UNC80: variants seen among roughly 807,000 people sequenced by gnomAD.
UNC80 encodes the protein protein unc-80 homolog.
A neutral mutation model predicts 384.6 loss-of-function variants in UNC80; 164 were observed. That is an observed-to-expected ratio of 0.43 (90% confidence interval 0.38 to 0.49). UNC80 has a LOEUF of 0.49. Ranked by LOEUF, UNC80 falls within the 20% of genes least tolerant of loss-of-function variation. The pLI is 0.00. For missense variants in UNC80, 3,330 were observed against 4,143.0 expected (o/e 0.80, Z 5.39); for synonymous variants, 1,486 against 1,527.8 (o/e 0.97, Z 0.64).
chr2:209,838,816 C>G (rs1427462871), intron 18 of UNC80, among the ~76,000 whole-genome samples: 1 of 152,068 alleles, frequency 6.6e-6, no homozygotes, highest in South Asian at 2.1e-4. Flanking sequence ...AAAAAATTAG[C>G]CGGGTGTGGT....
chr2:209,861,017 C>A (rs1436951259), intron 22 of UNC80, among the ~76,000 whole-genome samples: 1 of 152,210 alleles, frequency 6.6e-6, no homozygotes, highest in African/African-American at 2.4e-5. Flanking sequence ...GACTTCCTCT[C>A]TTCCTATTTT....
At chr2:209,773,061 G>A in intron 1 of UNC80, 33 bp from the exon 2 acceptor site, 1 of 1,546,518 alleles carries the variant, frequency 6.5e-7, no homozygotes, top group South Asian at 1.1e-5. Flanking sequence ...TTTTACTTAT[G>A]TTTATTAACA....
At chr2:209,840,339 C>T (rs114453595) in intron 19 of UNC80, among the ~76,000 whole-genome samples, 2,038 of 152,242 alleles carry the variant, frequency 0.013, 49 homozygotes, top group African/African-American at 0.045. Context: ...AGATTCTTTT[C>T]GTCTTGGTCC....
At chr2:209,927,898 T>C (rs1321219180) in intron 36 of UNC80, among the ~76,000 whole-genome samples, 1 of 152,190 alleles carries the variant, frequency 6.6e-6, no homozygotes, top group African/African-American at 2.4e-5. Flanking sequence ...AGCAATTAGT[T>C]AATCATAGTA....
intron 41 of UNC80, 24 bp from the exon 42 acceptor site, chr2:209,937,505 T>TA: frequency 6.7e-7 from 1 of 1,483,868 alleles, no homozygotes; most frequent in Non-Finnish European, 9.2e-7. Context: ...CTCTTTTTTT[T>TA]GTCTCTTTAT....
In UNC80 at chr2:209,904,903, G is replaced by T; in HGVS notation, c.4720G>T (p.Asp1574Tyr). 1 of 1,551,784 alleles carries T rather than the reference G, an allele frequency of 6.4e-7. No homozygotes were observed. Among genetic ancestry groups the T allele is most frequent in the Non-Finnish European group, 8.7e-7 (1 of 1,147,010 alleles). The change falls in exon 29 of 65, where the codon GAC becomes TAC. Residue 1574 changes from aspartate (D) to tyrosine (Y), a missense_variant. By Grantham distance (160) the Asp-to-Tyr change is radical. This residue lies in a region of UNC80 where 801 missense variants were observed against 950.8 expected (regional missense o/e 0.84). Coordinates refer to ENST00000673920, the MANE Select transcript of UNC80 (RefSeq NM_001371986.1). ...CAAGCTACTCTATGGAGACAGTGTGGACTCCCTGAGGGAAAGCAGCAACAT... is the reference window on the plus strand; with the variant it reads ...CAAGCTACTCTATGGAGACAGTGTGTACTCCCTGAGGGAAAGCAGCAACAT... ...AIKLLYGDSV[D>Y]SLRESSNISS...
At chr2:209,959,852 T>C in intron 51 of UNC80, 145 bp downstream of exon 51, 2 of 723,360 alleles carry the variant, frequency 2.8e-6, no homozygotes, top group East Asian at 2.7e-5. Context: ...GTACACATCA[T>C]ACAGAACCCT....
intron 26 of UNC80, among the ~76,000 whole-genome samples, chr2:209,889,388 A>C (rs561105843): frequency 6.6e-6 from 1 of 152,234 alleles, no homozygotes; most frequent in Non-Finnish European, 1.5e-5. Context: ...CCATCTGTAC[A>C]TATCATTTCC....
At chr2:209,984,747 C>T (rs1338696571) in intron 60 of UNC80, 109 bp from the exon 61 acceptor site, 23 of 997,700 alleles carry the variant, frequency 2.3e-5, no homozygotes, top group Admixed American at 2.7e-5. Context: ...TCGGTTAAAT[C>T]TATTTATTTT....
chr2:209,962,892 T>A (rs543020208), intron 51 of UNC80, among the ~76,000 whole-genome samples: 10 of 152,226 alleles, frequency 6.6e-5, no homozygotes, highest in Non-Finnish European at 1.2e-4. Flanking sequence ...GAGGGTAGTA[T>A]TAAATCGTTC....
intron 10 of UNC80, 30 bp from the exon 11 acceptor site, chr2:209,817,782 C>G: frequency 6.5e-7 from 1 of 1,549,722 alleles, no homozygotes; most frequent in South Asian, 1.2e-5. Flanking sequence ...ATTTTAAAAC[C>G]CTCTTGTGGG....
chr2:209,832,071 T>A (rs1172315891), intron 16 of UNC80, among the ~76,000 whole-genome samples: 1 of 152,108 alleles, frequency 6.6e-6, no homozygotes, highest in Non-Finnish European at 1.5e-5. Context: ...ACCACTGAAG[T>A]CACAATAGGA....
chr2:209,939,620 A>T lies in UNC80; in HGVS notation c.6614A>T (p.Asp2205Val), dbSNP rs2091487477. The change falls in exon 43 of 65, where the codon GAT becomes GTT. Residue 2205 changes from aspartate (D) to valine (V), a missense_variant. Transcript: ENST00000673920. Reference sequence around the variant, plus strand: ...CCCTCATTCCCTCGTAGTGCTATTGATGCTGAGTTTTCACTCTTCAGTGAT... The same window carrying T: ...CCCTCATTCCCTCGTAGTGCTATTGTTGCTGAGTTTTCACTCTTCAGTGAT... Reference protein sequence around the residue: ...RLPSFPRSAIDAEFSLFSDPQ... With the variant: ...RLPSFPRSAIVAEFSLFSDPQ... 6.4e-7 allele frequency: 1 copy of T among 1,551,122 alleles called. No individual in the cohort carries two copies. The highest frequency in any genetic ancestry group is 2.0e-5 in the Admixed American group (1 of 50,974).
intron 29 of UNC80, 33 bp from the exon 30 acceptor site, chr2:209,912,527 T>A: frequency 6.9e-7 from 1 of 1,448,782 alleles, no homozygotes. Flanking sequence ...AGAAAACACA[T>A]CACTCTTCAT....
chr2:209,941,504 C>T lies in UNC80; in HGVS notation c.6915+15C>T, dbSNP rs2091628969. The T allele has an allele frequency of 6.6e-7, 1 of 1,518,618 alleles. No homozygotes were observed. Among genetic ancestry groups the T allele is most frequent in the Admixed American group, 2.0e-5 (1 of 49,552 alleles). 94.1% of individuals were successfully genotyped at this position (1,518,618 alleles called of 1,614,324 possible). A position where few individuals can be genotyped will look rare whatever the true frequency, so the allele number is the denominator to read the frequency against. ...CCATGCTGCAGGTGCCCAGAACCTC[C>T]TCTCCCAACCAGAAAATTAACATGA... On this transcript the variant is annotated intron_variant, in intron 44 of 64. Transcript: ENST00000673920.
Position 209,820,567 on chromosome 2 carries a change from G to T in UNC80, c.2219G>T (p.Gly740Val), listed in dbSNP as rs765487080. 1 of 1,551,522 alleles carries T rather than the reference G, an allele frequency of 6.4e-7. No individual in the cohort carries two copies. The highest frequency in any genetic ancestry group is 8.7e-7 in the Non-Finnish European group (1 of 1,147,004). The change falls in exon 13 of 65, where the codon GGT becomes GTT. Residue 740 changes from glycine (G) to valine (V), a missense_variant. Around this residue, in one of 8 missense-constraint regions of UNC80, gnomAD observed 937 missense variants for 1,026.8 expected, o/e 0.91. Coordinates refer to ENST00000673920, the MANE Select transcript of UNC80 (RefSeq NM_001371986.1). ...GGPAVSGAGD[G>V]GGEEGGGGDG... ...CCTGCTGTTAGTGGAGCTGGAGATG[G>T]TGGAGGAGAAGAAGGAGGAGGTGGA...
intron 25 of UNC80, among the ~76,000 whole-genome samples, chr2:209,884,108 A>G (rs2085556276): frequency 1.3e-5 from 2 of 152,222 alleles, no homozygotes; most frequent in Admixed American, 1.3e-4. Flanking sequence ...CATTTTTATA[A>G]GATTTATAGT....
intron 22 of UNC80, among the ~76,000 whole-genome samples, chr2:209,850,073 C>T (rs1270549704): frequency 2.6e-5 from 4 of 152,062 alleles, no homozygotes; most frequent in African/African-American, 9.7e-5. Flanking sequence ...GTCCTTTAAG[C>T]TCACCAAGCC....
In UNC80 at chr2:209,962,320, A is replaced by G. The variant is rs577700728; in HGVS notation, c.7805+2613A>G. On this transcript the variant is annotated intron_variant, in intron 51 of 64. Transcript: ENST00000673920. ...TAGCCTTGGAAAAGAATGAGAGGCC[A>G]CAGAGAGGAGGGCAGGAGAAGATCA... is the stretch of plus-strand genomic sequence containing the variant. Among the ~76,000 whole-genome samples the G allele has an allele frequency of 1.1e-3, 173 of 152,326 alleles. 3 individuals are homozygous for G. Among genetic ancestry groups the G allele is most frequent in the Non-Finnish European group, 1.4e-3 (98 of 68,030 alleles).
Sources: allele counts gnomAD v4.1 joint callset (sites outside exome capture counted in the v4.1 genomes callset), GRCh38; gene constraint gnomAD v4.1.1; regional missense constraint gnomAD v4.1.1; transcripts MANE v1.5; gene names NCBI Gene and HGNC (gene_info 2026-07-23, HGNC 2026-07-21).